PLPPR3: variants seen among roughly 807,000 people sequenced by gnomAD.
PLPPR3 encodes phospholipid phosphatase-related protein type 3.
PLPPR3 carries 14 observed loss-of-function variants against 27.3 expected under a neutral mutation model. The observed-to-expected ratio is 0.51, with a 90% CI of 0.34 to 0.80. The LOEUF is 0.80. Among genes scored for constraint, PLPPR3 ranks in the 30% least tolerant of loss-of-function variants. The pLI is 0.01. For missense variants in PLPPR3, 1,287 were observed against 1,056.9 expected (o/e 1.22, Z -3.02); for synonymous variants, 671 against 508.0 (o/e 1.32, Z -4.32).
Position 814,536 on chromosome 19 carries a change from G to C in PLPPR3, c.729C>G (p.Ile243Met). The C allele has an allele frequency of 6.2e-7, 1 of 1,612,012 alleles. No homozygotes were observed. The highest frequency in any genetic ancestry group is 8.5e-7 in the Non-Finnish European group (1 of 1,179,962). ...LKPILVFAFA[I>M]AAGVCGLTQI... ...GCGTGAGCCCGCATACGCCCGCGGC[G>C]ATGGCAAAGGCGAAGACCAGGATGG... is the stretch of plus-strand genomic sequence containing the variant. The change falls in exon 7 of 8, where the codon ATC (isoleucine) becomes ATG (methionine). Residue 243 changes from isoleucine to methionine, a missense_variant. By Grantham distance (10) the Ile-to-Met change is conservative. Transcript: ENST00000520876.
In PLPPR3 at chr19:812,931, C is replaced by T. The variant is rs987210500; in HGVS notation, c.1796G>A (p.Gly599Asp). Residue 599 changes from glycine (G) to aspartate (D), a missense_variant, in exon 8 of 8, where the codon GGC becomes GAC. Coordinates refer to ENST00000520876, the MANE Select transcript of PLPPR3 (RefSeq NM_001270366.2). The part of the protein sequence containing the change: ...HHPVVHLSAG[G>D]APWEWKAAGG... ...CGCCGCCTTCCACTCCCAGGGCGCG[C>T]CGCCGGCCGACAGGTGCACCACGGG... The T allele has an allele frequency of 1.5e-6, 2 of 1,345,326 alleles. No individual in the cohort carries two copies. The highest frequency in any genetic ancestry group is 1.9e-6 in the Non-Finnish European group (2 of 1,047,178). 83.3% of individuals were successfully genotyped at this position (1,345,326 alleles called of 1,614,324 possible).
At position 812,747 on chromosome 19, in the gene PLPPR3, G is replaced by A. The variant is rs2034952706; in HGVS notation, c.1980C>T (p.Asn660=). 9.3e-7 allele frequency: 1 copy of A among 1,072,518 alleles called. No individual in the cohort carries two copies. Among genetic ancestry groups the A allele is most frequent in the East Asian group, 6.1e-5 (1 of 16,448 alleles). 66.4% of individuals were successfully genotyped at this position (1,072,518 alleles called of 1,614,324 possible). A position where few individuals can be genotyped will look rare whatever the true frequency, so the allele number is the denominator to read the frequency against. Residue 660 remains asparagine, a synonymous_variant, in exon 8 of 8, where the codon AAC becomes AAT. Transcript: ENST00000520876. ...EPRFGAVATV[N]LATGEGLPPL... The stretch of plus-strand genomic sequence containing the variant: ...GGGGCAGCCCCTCGCCCGTGGCCAG[G>A]TTGACGGTGGCCACGGCCCCGAACC...
rs758375482 is a variant in PLPPR3, at chr19:813,581, C to A, written c.1146G>T (p.Ala382=). Residue 382 remains alanine, a synonymous_variant, in exon 8 of 8, where the codon GCG becomes GCT. Coordinates refer to ENST00000520876, the MANE Select transcript of PLPPR3 (RefSeq NM_001270366.2). This position sits in a 1 kb window ranked among gnomAD's most constrained non-coding sequence, Gnocchi z 4.1. ...TFSHTLPRAS[A]PSLDDPARRH... ...GGCGCGCGGGGTCGTCCAGCGAGGG[C>A]GCGCTGGCCCTGGGCAGCGTGTGGC... The A allele has an allele frequency of 1.3e-6, 2 of 1,554,390 alleles. No individual in the cohort carries two copies. Among genetic ancestry groups the A allele is most frequent in the Non-Finnish European group, 8.7e-7 (1 of 1,151,400 alleles).
Position 813,924 on chromosome 19 carries a change from G to A in PLPPR3, c.832-29C>T. The A allele has an allele frequency of 1.4e-6, 2 of 1,417,382 alleles. No homozygotes were observed. Among genetic ancestry groups the A allele is most frequent in the South Asian group, 3.0e-5 (2 of 65,898 alleles). The allele number at this position is 1,417,382 out of a possible 1,614,324, so 87.8% of individuals were successfully genotyped here. A position where few individuals can be genotyped will look rare whatever the true frequency, so the allele number is the denominator to read the frequency against. On this transcript the variant is annotated intron_variant, in intron 7 of 7. Coordinates refer to ENST00000520876, the MANE Select transcript of PLPPR3 (RefSeq NM_001270366.2). The surrounding 1 kb of genome is among the most constrained non-coding windows in gnomAD (Gnocchi z 4.1). ...TCGGGGAGAGGGGTCTGGGGGTGAG[G>A]CCTGGGGCTCAGAGGGCTCCTCCCC...
At chr19:821,100 C>T (rs1239278868) in intron 2 of PLPPR3, among the ~76,000 whole-genome samples, 2 of 152,166 alleles carry the variant, frequency 1.3e-5, no homozygotes, top group Non-Finnish European at 2.9e-5. Flanking sequence ...TCACCATTAG[C>T]AGAGGTGAAC....
chr19:815,103 CA>C (rs1321945445), intron 4 of PLPPR3, 22 bp from the exon 5 acceptor site: 7 of 1,601,584 alleles, frequency 4.4e-6, no homozygotes, highest in Non-Finnish European at 5.1e-6. Context: ...AAGGCTCGGC[CA>C]GGCGGGGAGC....
chr19:823,449 A>AAAAACAAAAAAAAAC (rs2035177843), upstream of PLPPR3, among the ~76,000 whole-genome samples: 1 of 141,728 alleles, frequency 7.1e-6, no homozygotes, highest in African/African-American at 2.9e-5. Context: ...CTCAAAAAAA[A>AAAAACAAAAAAAAAC]AAAAAAAAAC....
chr19:821,791 A>G (rs1599265164), intron 1 of PLPPR3, 124 bp downstream of exon 1: 2 of 240,928 alleles, frequency 8.3e-6, no homozygotes, highest in African/African-American at 2.8e-5. Flanking sequence ...GGGATCGCCG[A>G]GGAGGGCGGG....
rs1404795807 is a variant in PLPPR3, at chr19:815,657, G to A, written c.261+9C>T. 6.4e-7 allele frequency: 1 copy of A among 1,569,116 alleles called. No homozygotes were observed. The highest frequency in any genetic ancestry group is 1.2e-5 in the South Asian group (1 of 86,282). On this transcript the variant is annotated intron_variant, in intron 3 of 7. Coordinates refer to ENST00000520876, the MANE Select transcript of PLPPR3 (RefSeq NM_001270366.2). ...ACAGGCTGGCACAGGCCCCGGTGCA[G>A]GTGCTCACCGAGGCGGCAGGGGCCG... is the stretch of plus-strand genomic sequence containing the variant.
Position 814,749 on chromosome 19 carries a change from C to T in PLPPR3, c.600G>A (p.Arg200=), listed in dbSNP as rs747813631. The change falls in exon 6 of 8, where the codon CGG becomes CGA. Residue 200 remains arginine, a splice_region_variant and synonymous_variant. Coordinates refer to ENST00000520876, the MANE Select transcript of PLPPR3 (RefSeq NM_001270366.2). ...TGGCGTGCTGGGACGGGAAGGTCTT[C>T]CTGTAAGAGGCGTCCAGCGTGAGCC... The part of the protein sequence containing the change: ...GHDIHAILSA[R]KTFPSQHATL... 4 of 1,570,140 alleles carry T rather than the reference C, an allele frequency of 2.5e-6. No homozygotes were observed. Among genetic ancestry groups the T allele is most frequent in the Non-Finnish European group, 3.4e-6 (4 of 1,162,086 alleles).
rs1419100120 is a variant in PLPPR3, at chr19:813,602, G to A, written c.1125C>T (p.His375=). 2.6e-6 allele frequency: 4 copies of A among 1,547,192 alleles called. No homozygotes were observed. The African/African-American group carries it at 4.1e-5, about 16-fold the overall frequency. ...AGGGCGCGCTGGCCCTGGGCAGCGT[G>A]TGGCTGAAGGTCACCATGTTCTCCT... The part of the protein sequence containing the change: ...MAKENMVTFS[H]TLPRASAPSL... The change falls in exon 8 of 8, where the codon CAC becomes CAT. Residue 375 remains histidine, a synonymous_variant. Transcript: ENST00000520876. The surrounding 1 kb of genome is among the most constrained non-coding windows in gnomAD (Gnocchi z 4.1).
rs769001148 is a variant in PLPPR3, at chr19:813,013, G to T, written c.1714C>A (p.Pro572Thr). The change falls in exon 8 of 8, where the codon CCG becomes ACG. Residue 572 changes from proline to threonine, a missense_variant. Coordinates refer to ENST00000520876, the MANE Select transcript of PLPPR3 (RefSeq NM_001270366.2). The surrounding 1 kb of genome is among the most constrained non-coding windows in gnomAD (Gnocchi z 4.1). Reference protein sequence around the residue: ...ASSDSSQYRSPSDRDSASIVT... With the variant: ...ASSDSSQYRSTSDRDSASIVT... ...ATGCTGGCGGAGTCGCGGTCCGACGGCGACCGGTACTGCGAGGAGTCGGAG... is the reference window on the plus strand; with the variant it reads ...ATGCTGGCGGAGTCGCGGTCCGACGTCGACCGGTACTGCGAGGAGTCGGAG... The T allele has an allele frequency of 1.3e-5, 20 of 1,518,616 alleles. No individual in the cohort carries two copies. The highest frequency in any genetic ancestry group is 1.7e-5 in the Non-Finnish European group (19 of 1,140,954). 94.1% of individuals were successfully genotyped at this position (1,518,616 alleles called of 1,614,324 possible).
chr19:819,304 G>A (rs1446079144), intron 2 of PLPPR3, among the ~76,000 whole-genome samples: 17 of 88,836 alleles, frequency 1.9e-4, no homozygotes, highest in African/African-American at 1.2e-3. Flanking sequence ...TTTCCGAGAT[G>A]GAGTCTCACT....
In PLPPR3 at chr19:815,746, T is replaced by G. The variant is rs764440833; in HGVS notation, c.181A>C (p.Met61Leu). The G allele has an allele frequency of 6.2e-7, 1 of 1,612,598 alleles. No individual in the cohort carries two copies. Among genetic ancestry groups the G allele is most frequent in the Admixed American group, 1.7e-5 (1 of 59,952 alleles). The change falls in exon 3 of 8, where the codon ATG becomes CTG. Residue 61 changes from methionine (M) to leucine (L), a missense_variant. By Grantham distance (15) the Met-to-Leu change is conservative (BLOSUM62 2). Coordinates refer to ENST00000520876, the MANE Select transcript of PLPPR3 (RefSeq NM_001270366.2). Reference protein sequence around the residue: ...GFQCYDRTLSMPYVETNEELI... With the variant: ...GFQCYDRTLSLPYVETNEELI... Reference sequence around the variant, plus strand: ...TCCTCGTTGGTCTCCACGTAGGGCATGGAGAGAGTGCGGTCATAGCACTGG... The same window carrying G: ...TCCTCGTTGGTCTCCACGTAGGGCAGGGAGAGAGTGCGGTCATAGCACTGG...
chr19:813,162 A>T lies in PLPPR3; in HGVS notation c.1565T>A (p.Met522Lys). Residue 522 changes from methionine to lysine, a missense_variant, in exon 8 of 8, where the codon ATG (methionine) becomes AAG (lysine). Coordinates refer to ENST00000520876, the MANE Select transcript of PLPPR3 (RefSeq NM_001270366.2). This position sits in a 1 kb window ranked among gnomAD's most constrained non-coding sequence, Gnocchi z 4.1. The part of the protein sequence containing the change: ...GAGVRAKWLM[M>K]AEKSGAAVAN... ...CACTGCCGCCCCGCTCTTCTCGGCC[A>T]TCATGAGCCACTTGGCGCGCACCCC... 3 of 1,521,398 alleles carry T rather than the reference A, an allele frequency of 2.0e-6. No homozygotes were observed. The highest frequency in any genetic ancestry group is 3.5e-4 in the Middle Eastern group (2 of 5,754). The allele number at this position is 1,521,398 out of a possible 1,614,324, so 94.2% of individuals were successfully genotyped here. A position where few individuals can be genotyped will look rare whatever the true frequency, so the allele number is the denominator to read the frequency against.
Position 813,767 on chromosome 19 carries a change from C to A in PLPPR3, c.960G>T (p.Ser320=), listed in dbSNP as rs995415802. The change falls in exon 8 of 8, where the codon TCG becomes TCT. Residue 320 remains serine, a synonymous_variant. Coordinates refer to ENST00000520876, the MANE Select transcript of PLPPR3 (RefSeq NM_001270366.2). The surrounding 1 kb of genome is among the most constrained non-coding windows in gnomAD (Gnocchi z 4.1). ...GGGGCCCCAGCTCGTCGGTGCTCAC[C>A]GACTTATTCTGCTGATAAACCGAGT... ...GHDSVYQQNK[S]VSTDELGPPG... 1 of 1,527,696 alleles carries A rather than the reference C, an allele frequency of 6.5e-7. No homozygotes were observed. The allele number at this position is 1,527,696 out of a possible 1,614,324, so 94.6% of individuals were successfully genotyped here. A position where few individuals can be genotyped will look rare whatever the true frequency, so the allele number is the denominator to read the frequency against.
Position 815,242 on chromosome 19 carries a change from A to G in PLPPR3, c.347T>C (p.Ile116Thr). The change falls in exon 4 of 8, where the codon ATC becomes ACC. Residue 116 changes from isoleucine to threonine, a missense_variant. Ile to Thr is a moderately conservative substitution (Grantham distance 89). Coordinates refer to ENST00000520876, the MANE Select transcript of PLPPR3 (RefSeq NM_001270366.2). ...AGGPAGAEGS[I>T]NAGGCNFNSF... ...GTTGAAGTTGCAGCCGCCGGCGTTG[A>G]TGCTGCCCTCCGCCCCGGCGGGCCC... 6.3e-7 allele frequency: 1 copy of G among 1,586,306 alleles called. No individual in the cohort carries two copies. Among genetic ancestry groups the G allele is most frequent in the Non-Finnish European group, 8.6e-7 (1 of 1,169,248 alleles).
chr19:816,550 C>A, intron 2 of PLPPR3, among the ~76,000 whole-genome samples: 1 of 143,066 alleles, frequency 7.0e-6, no homozygotes, highest in East Asian at 2.2e-4. Flanking sequence ...TGGTACCCAT[C>A]CATCCATCCA....
At chr19:816,197 C>G (rs1271205533) in intron 2 of PLPPR3, among the ~76,000 whole-genome samples, 1 of 151,156 alleles carries the variant, frequency 6.6e-6, no homozygotes, top group Admixed American at 6.6e-5. Flanking sequence ...CACCCATTCT[C>G]CACCCATGCA....
Sources: allele counts gnomAD v4.1 joint callset (sites outside exome capture counted in the v4.1 genomes callset), GRCh38; gene constraint gnomAD v4.1.1; non-coding constraint Gnocchi (gnomAD v3.1); transcripts MANE v1.5; gene names NCBI Gene and HGNC (gene_info 2026-07-23, HGNC 2026-07-21).